The following SYNDIG1 variants were observed in gnomAD, a reference collection of about 807,000 sequenced individuals.
SYNDIG1 encodes the protein synapse differentiation inducing 1, also known as synapse differentiation-inducing gene protein 1.
In SYNDIG1, 9 loss-of-function variants were observed where a neutral mutation model predicts 19.4. The observed-to-expected ratio is 0.46, with a 90% CI of 0.28 to 0.81. SYNDIG1 has a LOEUF of 0.81. Ranked by LOEUF, SYNDIG1 falls within the 30% of genes least tolerant of loss-of-function variation. The probability of loss-of-function intolerance (pLI) is 0.12; values close to 1 mark genes in which losing one functional copy is unlikely to be tolerated. For synonymous variants in SYNDIG1, 141 were observed against 145.9 expected (o/e 0.97, Z 0.24); for missense variants, 311 against 343.3 (o/e 0.91, Z 0.74).
At chr20:24,479,908 G>C (rs1461848484) in intron 1 of SYNDIG1, among the ~76,000 whole-genome samples, 1 of 152,192 alleles carries the variant, frequency 6.6e-6, no homozygotes, top group Non-Finnish European at 1.5e-5. Flanking sequence ...CATTTCTCTA[G>C]GTGCCCAGAA....
At chr20:24,574,239 A>G (rs2058191329) in intron 2 of SYNDIG1, among the ~76,000 whole-genome samples, 1 of 151,824 alleles carries the variant, frequency 6.6e-6, no homozygotes, top group African/African-American at 2.4e-5. Flanking sequence ...GCACCTTGGG[A>G]GGCCAAGGTG....
At chr20:24,607,025 C>T (rs1331337627) in intron 3 of SYNDIG1, among the ~76,000 whole-genome samples, 1 of 152,110 alleles carries the variant, frequency 6.6e-6, no homozygotes, top group African/African-American at 2.4e-5. Context: ...ACTCATTTGG[C>T]CTTTGTTTGC....
At chr20:24,471,880 G>C (rs1165739392) in intron 1 of SYNDIG1, among the ~76,000 whole-genome samples, 1 of 152,000 alleles carries the variant, frequency 6.6e-6, no homozygotes, top group Admixed American at 6.6e-5. Context: ...CATTGTATAC[G>C]CATATCACAG....
chr20:24,496,569 G>T (rs1342153735), intron 1 of SYNDIG1, among the ~76,000 whole-genome samples: 3 of 152,218 alleles, frequency 2.0e-5, no homozygotes. Context: ...GGTTTGTAAT[G>T]CAGGGCAAGA....
intron 1 of SYNDIG1, among the ~76,000 whole-genome samples, chr20:24,511,121 G>C (rs554587873): frequency 1.1e-4 from 17 of 152,256 alleles, no homozygotes; most frequent in African/African-American, 4.1e-4. Flanking sequence ...TCTATCACTT[G>C]AAATTCTTGG....
Position 24,537,944 on chromosome 20 carries a change from C to T in SYNDIG1, c.-78-5076C>T, listed in dbSNP as rs139983249. On this transcript the variant is annotated intron_variant, in intron 1 of 3. Coordinates refer to ENST00000376862, the MANE Select transcript of SYNDIG1 (RefSeq NM_024893.3). ...TGGTCAGCGCACAGTCTTCTTTTCTCGGTATGGTGTGCACTTCTCCTTCCT... is the reference window on the plus strand; with the variant it reads ...TGGTCAGCGCACAGTCTTCTTTTCTTGGTATGGTGTGCACTTCTCCTTCCT... Among the ~76,000 whole-genome samples the T allele has an allele frequency of 1.1e-3, 169 of 152,214 alleles. 2 individuals carry two copies. The highest frequency in any genetic ancestry group is 3.6e-3 in the African/African-American group (149 of 41,532).
At chr20:24,512,207 C>T (rs1360407912) in intron 1 of SYNDIG1, among the ~76,000 whole-genome samples, 7 of 144,718 alleles carry the variant, frequency 4.8e-5, no homozygotes, top group East Asian at 2.1e-4. Flanking sequence ...CAGCTCCCAG[C>T]GTGAGCGATG....
chr20:24,628,737 C>A (rs989457461), intron 3 of SYNDIG1, among the ~76,000 whole-genome samples: 1 of 152,150 alleles, frequency 6.6e-6, no homozygotes, highest in Non-Finnish European at 1.5e-5. Flanking sequence ...GAAGCACACA[C>A]CCCTGCTCCA....
intron 1 of SYNDIG1, among the ~76,000 whole-genome samples, chr20:24,478,028 G>A (rs535983829): frequency 6.6e-6 from 1 of 152,340 alleles, no homozygotes; most frequent in African/African-American, 2.4e-5. Flanking sequence ...TCCTCTCTTG[G>A]TAGAACCAGG....
chr20:24,665,635 C>G lies in SYNDIG1; in HGVS notation c.*131C>G. On this transcript the variant is annotated 3_prime_UTR_variant, in exon 4 of 4. Transcript: ENST00000376862. The stretch of plus-strand genomic sequence containing the variant: ...GCCACGAAGCCCTGGGATTTCCTAC[C>G]CATGGATTTATTTTGTTTTTATCCT... The G allele has an allele frequency of 7.5e-7, 1 of 1,332,540 alleles. No homozygotes were observed. 82.5% of individuals were successfully genotyped at this position (1,332,540 alleles called of 1,614,324 possible).
chr20:24,544,546 T>A (rs1374376836), intron 2 of SYNDIG1, among the ~76,000 whole-genome samples: 1 of 152,104 alleles, frequency 6.6e-6, no homozygotes, highest in Non-Finnish European at 1.5e-5. Context: ...AAATTCAGGA[T>A]CGTGGCCAGC....
intron 3 of SYNDIG1, among the ~76,000 whole-genome samples, chr20:24,646,818 A>G (rs2059427051): frequency 6.6e-6 from 1 of 152,000 alleles, no homozygotes; most frequent in Non-Finnish European, 1.5e-5. Flanking sequence ...GTGGAGTTTC[A>G]CCATGTTGGC....
intron 3 of SYNDIG1, among the ~76,000 whole-genome samples, chr20:24,601,077 T>C (rs952598334): frequency 8.5e-5 from 13 of 152,248 alleles, no homozygotes; most frequent in Non-Finnish European, 4.4e-5. Context: ...CCGAAAGCTT[T>C]TTGTGCAAAT....
chr20:24,632,565 A>G (rs1182814862), intron 3 of SYNDIG1, among the ~76,000 whole-genome samples: 1 of 151,960 alleles, frequency 6.6e-6, no homozygotes, highest in Non-Finnish European at 1.5e-5. Flanking sequence ...TTTAATAATA[A>G]CACCAGTGAA....
At chr20:24,502,190 C>G (rs765169773) in intron 1 of SYNDIG1, 1 of 152,374 alleles carries the variant, frequency 6.6e-6, no homozygotes, top group Non-Finnish European at 1.5e-5. Flanking sequence ...CTACCCAGTG[C>G]TTTCTGGAAC....
intron 3 of SYNDIG1, among the ~76,000 whole-genome samples, chr20:24,593,880 A>T (rs946919970): frequency 6.6e-6 from 1 of 151,796 alleles, no homozygotes; most frequent in Non-Finnish European, 1.5e-5. Context: ...TTTTAATGCA[A>T]GTGTTTCTTG....
In SYNDIG1 at chr20:24,479,974, G is replaced by GCA. The variant is rs144347030; in HGVS notation, c.-79+10233_-79+10234dup. Among the ~76,000 whole-genome samples the GCA allele has an allele frequency of 1.8e-4, 28 of 152,086 alleles. 1 individual carries two copies. The highest frequency in any genetic ancestry group is 1.2e-3 in the Admixed American group (19 of 15,264). On this transcript the variant is annotated intron_variant, in intron 1 of 3. Transcript: ENST00000376862. ...GGTACATGTGCACACACAAATGCCT[G>GCA]CACACACACACACTCCATGGTCCCA...
At chr20:24,521,914 A>AT (rs554773836) in intron 1 of SYNDIG1, among the ~76,000 whole-genome samples, 1 of 151,404 alleles carries the variant, frequency 6.6e-6, no homozygotes, top group Non-Finnish European at 1.5e-5. Flanking sequence ...AAAAAAAAAA[A>AT]ATTAAGTAAT....
chr20:24,504,605 G>A (rs192900459), intron 1 of SYNDIG1, among the ~76,000 whole-genome samples: 1 of 152,224 alleles, frequency 6.6e-6, no homozygotes, highest in East Asian at 1.9e-4. Context: ...GAGCATGGAT[G>A]TTCTTAGTTT....
Sources: allele counts gnomAD v4.1 joint callset (sites outside exome capture counted in the v4.1 genomes callset), GRCh38; gene constraint gnomAD v4.1.1; transcripts MANE v1.5; gene names NCBI Gene and HGNC (gene_info 2026-07-23, HGNC 2026-07-21).